Variants in ZNF786 observed in about 807,000 individuals in gnomAD.
The protein encoded by ZNF786 is zinc finger protein 786.
A neutral mutation model predicts 63.1 loss-of-function variants in ZNF786; 56 were observed. That is an observed-to-expected ratio of 0.89 (90% CI 0.72 to 1.11). The LOEUF is 1.11. Ranked by LOEUF, ZNF786 falls within the 50% of genes least tolerant of loss-of-function variation. ZNF786 has a pLI of 0.00. For missense variants in ZNF786, 1,213 were observed against 1,041.8 expected (o/e 1.16, Z -2.26); for synonymous variants, 485 against 406.9 (o/e 1.19, Z -2.31).
Position 149,080,586 on chromosome 7 carries a change from C to G in ZNF786, c.145+5G>C, listed in dbSNP as rs768819572. 2.5e-6 allele frequency: 4 copies of G among 1,594,062 alleles called. No homozygotes were observed. The South Asian group carries it at 4.6e-5, about 18-fold the overall frequency. On this transcript the variant is annotated splice_donor_5th_base_variant and intron_variant, in intron 2 of 3. Coordinates refer to ENST00000491431, the MANE Select transcript of ZNF786 (RefSeq NM_152411.4). Reference sequence around the variant, plus strand: ...GACCTACCCACAAAGGTGAACAGGTCTTACCTAGAGAGACGAGAGTCTCAT... The same window carrying G: ...GACCTACCCACAAAGGTGAACAGGTGTTACCTAGAGAGACGAGAGTCTCAT...
In ZNF786 at chr7:149,090,605, A is replaced by C. The variant is rs1293636027; in HGVS notation, c.18+18T>G. 1.3e-6 allele frequency: 2 copies of C among 1,571,772 alleles called. No homozygotes were observed. The highest frequency in any genetic ancestry group is 2.8e-5 in the African/African-American group (2 of 72,714). ...CACGACCCCGAAACCGGGCGTCCAAACAGGCTAGCCCGCTTACCCGAGGCG... is the reference window on the plus strand; with the variant it reads ...CACGACCCCGAAACCGGGCGTCCAACCAGGCTAGCCCGCTTACCCGAGGCG... On this transcript the variant is annotated intron_variant, in intron 1 of 3. Transcript: ENST00000491431.
chr7:149,073,747 G>GTGTGTGTA (rs1447329296), intron 3 of ZNF786, among the ~76,000 whole-genome samples: 24 of 77,556 alleles, frequency 3.1e-4, no homozygotes, highest in East Asian at 1.6e-3. Flanking sequence ...GTGTGTGTGT[G>GTGTGTGTA]TATATATATA....
At chr7:149,075,655 G>GTGT (rs1307454049) in intron 2 of ZNF786, among the ~76,000 whole-genome samples, 6 of 69,454 alleles carry the variant, frequency 8.6e-5, no homozygotes, top group Non-Finnish European at 1.5e-4. Context: ...CACACTTCAG[G>GTGT]TTTTTTTTTT....
intron 2 of ZNF786, among the ~76,000 whole-genome samples, chr7:149,077,932 G>A (rs1223584267): frequency 4.7e-5 from 7 of 149,412 alleles, no homozygotes; most frequent in South Asian, 2.1e-4. Context: ...GCGTGATCTC[G>A]GCTCACTGTA....
At chr7:149,077,196 A>T (rs1397636495) in intron 2 of ZNF786, among the ~76,000 whole-genome samples, 2 of 152,202 alleles carry the variant, frequency 1.3e-5, no homozygotes, top group Non-Finnish European at 2.9e-5. Flanking sequence ...TGGTTCTCCC[A>T]TGTTCTTTAG....
intron 3 of ZNF786, 25 bp from the exon 4 acceptor site, chr7:149,072,498 T>A (rs1195254172): frequency 1.3e-6 from 2 of 1,541,256 alleles, no homozygotes; most frequent in Non-Finnish European, 1.7e-6. Context: ...AAAAATTCAG[T>A]CGGTATTCCT....
In ZNF786 at chr7:149,071,948, A is replaced by G. The variant is rs1289434349; in HGVS notation, c.824T>C (p.Met275Thr). 4 of 1,611,132 alleles carry G rather than the reference A, an allele frequency of 2.5e-6. No homozygotes were observed. The highest frequency in any genetic ancestry group is 1.7e-5 in the Admixed American group (1 of 59,986). ...RGPFRNADGE[M>T]CFRHELTHPS... ...ATGGGTCAGCTCGTGTCGGAAGCAC[A>G]TTTCACCGTCAGCGTTCCGGAAGGG... The change falls in exon 4 of 4, where the codon ATG becomes ACG. Residue 275 changes from methionine (M) to threonine (T), a missense_variant. Coordinates refer to ENST00000491431, the MANE Select transcript of ZNF786 (RefSeq NM_152411.4).
chr7:149,072,291 G>C lies in ZNF786; in HGVS notation c.481C>G (p.Leu161Val), dbSNP rs759930349. 6.2e-7 allele frequency: 1 copy of C among 1,613,734 alleles called. No individual in the cohort carries two copies. The highest frequency in any genetic ancestry group is 1.1e-5 in the South Asian group (1 of 91,012). The change falls in exon 4 of 4, where the codon CTA becomes GTA. Residue 161 changes from leucine (L) to valine (V), a missense_variant. Physicochemically the swap from Leu to Val is conservative, Grantham distance 32 (BLOSUM62 1). Coordinates refer to ENST00000491431, the MANE Select transcript of ZNF786 (RefSeq NM_152411.4). ...PLACGPSEST[L>V]KEGIPGPRNL... The stretch of plus-strand genomic sequence containing the variant: ...CTGGGACCTGGGATTCCTTCTTTTA[G>C]GGTAGATTCACTGGGGCCGCAGGCT...
chr7:149,072,144 A>C lies in ZNF786; in HGVS notation c.628T>G (p.Ser210Ala), dbSNP rs754402412. The C allele has an allele frequency of 6.2e-7, 1 of 1,613,012 alleles. No homozygotes were observed. Among genetic ancestry groups the C allele is most frequent in the East Asian group, 2.2e-5 (1 of 44,894 alleles). ...NHLVMHQRGH[S>A]KDRTRRAWEK... ...CAGGCCCTACGTGTCCGGTCCTTTG[A>C]GTGGCCTCTCTGGTGCATTACTAAA... is the stretch of plus-strand genomic sequence containing the variant. The change falls in exon 4 of 4, where the codon TCA becomes GCA. Residue 210 changes from serine (S) to alanine (A), a missense_variant. By Grantham distance (99) the Ser-to-Ala change is moderately conservative. Transcript: ENST00000491431.
At position 149,072,390 on chromosome 7, in the gene ZNF786, CAA is replaced by C. The variant is rs1441952897; in HGVS notation, c.380_381del (p.Phe127CysfsTer6). ...DPESQCSFGS[F>X]VSFRPDQGIT... ...ATGCCTTGGTCAGGCCTGAAGGAAA[CAA>C]AGGATCCAAAGGAACACTGGCTTTC... On this transcript the variant is annotated frameshift_variant, in exon 4 of 4. Transcript: ENST00000491431. LOFTEE classifies it high-confidence loss of function. The C allele has an allele frequency of 1.2e-6, 2 of 1,613,036 alleles. No homozygotes were observed. Among genetic ancestry groups the C allele is most frequent in the South Asian group, 2.2e-5 (2 of 90,880 alleles).
chr7:149,072,617 G>C (rs1454822627), intron 3 of ZNF786, 144 bp from the exon 4 acceptor site: 4 of 911,918 alleles, frequency 4.4e-6, no homozygotes, highest in African/African-American at 3.4e-5. Flanking sequence ...AGTGTGATCT[G>C]TCTCATGGCC....
chr7:149,075,592 A>C (rs1825530078), intron 2 of ZNF786, among the ~76,000 whole-genome samples: 1 of 151,380 alleles, frequency 6.6e-6, no homozygotes, highest in African/African-American at 2.4e-5. Context: ...AGAAGGAGAA[A>C]AATATACAAA....
rs752122751 is a variant in ZNF786 at position 149,070,951 on chromosome 7, C to T, written c.1821G>A (p.Gln607=). The change falls in exon 4 of 4, where the codon CAG becomes CAA. Residue 607 remains glutamine (Q), a synonymous_variant. Coordinates refer to ENST00000491431, the MANE Select transcript of ZNF786 (RefSeq NM_152411.4). ...ECNRSFRLKG[Q]LLSHQRLHTG... ...TGTGCAGGCGCTGATGGCTGAGCAG[C>T]TGCCCCTTCAGGCGGAAGCTCCTGT... is the stretch of plus-strand genomic sequence containing the variant. The T allele has an allele frequency of 6.2e-6, 10 of 1,613,534 alleles. No individual in the cohort carries two copies. The South Asian group carries it at 9.9e-5, about 16-fold the overall frequency.
intron 1 of ZNF786, among the ~76,000 whole-genome samples, chr7:149,088,012 CT>C (rs1825765222): frequency 9.8e-6 from 1 of 101,584 alleles, no homozygotes; most frequent in Non-Finnish European, 2.0e-5. Context: ...TTTTTTTTGT[CT>C]TTCTTTCGAG....
Position 149,070,677 on chromosome 7 carries a change from T to G in ZNF786, c.2095A>C (p.Thr699Pro), listed in dbSNP as rs760489967. The change falls in exon 4 of 4, where the codon ACA (threonine) becomes CCA (proline). Residue 699 changes from threonine to proline, a missense_variant. Physicochemically the swap from Thr to Pro is conservative, Grantham distance 38. Coordinates refer to ENST00000491431, the MANE Select transcript of ZNF786 (RefSeq NM_152411.4). ...AQLLSHQGLH[T>P]GERPFHCPEC... ...GGGCAGTGAAAAGGCCTCTCCCCTG[T>G]GTGCAGGCCCTGATGGCTGAGCAGC... is the stretch of plus-strand genomic sequence containing the variant. 4.3e-6 allele frequency: 7 copies of G among 1,613,862 alleles called. No individual in the cohort carries two copies. The African/African-American group carries it at 8.0e-5, about 18-fold the overall frequency.
rs147898859 is a variant in ZNF786, at chr7:149,086,626, T to TCACACACA, written c.18+3989_18+3996dup. Among the ~76,000 whole-genome samples the TCACACACA allele has an allele frequency of 2.8e-3, 420 of 147,704 alleles. 1 individual carries two copies. The highest frequency in any genetic ancestry group is 7.8e-3 in the African/African-American group (310 of 39,950). The stretch of plus-strand genomic sequence containing the variant: ...GTGGGTGACAGAGCGACACTCTGTC[T>TCACACACA]CACACACACACACACACACACACAT... On this transcript the variant is annotated intron_variant, in intron 1 of 3. Transcript: ENST00000491431.
chr7:149,083,732 C>T (rs1051897435), intron 1 of ZNF786, among the ~76,000 whole-genome samples: 2 of 152,248 alleles, frequency 1.3e-5, no homozygotes, highest in Non-Finnish European at 1.5e-5. Context: ...GTTATTCATT[C>T]CCTGCTTCGT....
At chr7:149,084,099 G>A (rs905021795) in intron 1 of ZNF786, among the ~76,000 whole-genome samples, 3 of 152,064 alleles carry the variant, frequency 2.0e-5, no homozygotes, top group Non-Finnish European at 2.9e-5. Flanking sequence ...GGTGGCTCAC[G>A]CCTGTAATAC....
rs1349037849 is a variant in ZNF786, at chr7:149,070,599, T to A, written c.2173A>T (p.Ile725Phe). Residue 725 changes from isoleucine to phenylalanine, a missense_variant, in exon 4 of 4, where the codon ATC becomes TTC. Coordinates refer to ENST00000491431, the MANE Select transcript of ZNF786 (RefSeq NM_152411.4). ...ERGHMLRHQR[I>F]HRPERPFACG... Reference sequence around the variant, plus strand: ...GCAAAGGGCCTCTCGGGCCTGTGGATGCGCTGGTGCCTCAGCATGTGTCCC... The same window carrying A: ...GCAAAGGGCCTCTCGGGCCTGTGGAAGCGCTGGTGCCTCAGCATGTGTCCC... 6.2e-7 allele frequency: 1 copy of A among 1,613,990 alleles called. No individual in the cohort carries two copies. The highest frequency in any genetic ancestry group is 1.1e-5 in the South Asian group (1 of 91,088).
Sources: allele counts gnomAD v4.1 joint callset (sites outside exome capture counted in the v4.1 genomes callset), GRCh38; gene constraint gnomAD v4.1.1; transcripts MANE v1.5; gene names NCBI Gene and HGNC (gene_info 2026-07-23, HGNC 2026-07-21).